Variants in DAB2IP observed in about 807,000 individuals in gnomAD.
The protein encoded by DAB2IP is disabled homolog 2-interacting protein.
A neutral mutation model predicts 107.2 loss-of-function variants in DAB2IP; 28 were observed. The ratio of observed to expected loss-of-function variants is 0.26; its 90% CI spans 0.19 to 0.36. The LOEUF is 0.36. DAB2IP is among the 10% of genes least tolerant of loss of function. The pLI, the probability that DAB2IP is intolerant of heterozygous loss-of-function variation, is 1.00. For missense variants in DAB2IP, 1,400 were observed against 1,644.7 expected, an observed-to-expected ratio of 0.85 and a Z score of 2.57; for synonymous variants, 755 against 706.4, an observed-to-expected ratio of 1.07 and a Z score of -1.09.
intron 2 of DAB2IP, among the ~76,000 whole-genome samples, chr9:121,688,843 G>A (rs889998890): frequency 2.0e-5 from 3 of 152,192 alleles, no homozygotes; most frequent in Non-Finnish European, 4.4e-5. Context: ...GGTGAGCAGG[G>A]AAGAGGGTGA....
chr9:121,777,883 C>A (rs891835016), intron 14 of DAB2IP, among the ~76,000 whole-genome samples: 1 of 152,156 alleles, frequency 6.6e-6, no homozygotes, highest in Non-Finnish European at 1.5e-5. Flanking sequence ...CTTTCTTTAT[C>A]CCTTGAAATA....
At chr9:121,643,886 G>C (rs374376410) in intron 1 of DAB2IP, among the ~76,000 whole-genome samples, 162 of 152,360 alleles carry the variant, frequency 1.1e-3, no homozygotes, top group African/African-American at 3.8e-3. Flanking sequence ...AAATAGCCAA[G>C]GCTAGGCATG....
intron 6 of DAB2IP, among the ~76,000 whole-genome samples, chr9:121,762,233 T>TTGG (rs1833947907): frequency 6.6e-6 from 1 of 152,156 alleles, no homozygotes; most frequent in Admixed American, 6.5e-5. Flanking sequence ...GGACAAGTCA[T>TTGG]TTTCCTGCTG....
At chr9:121,580,631 T>C (rs1165501330) in intron 1 of DAB2IP, among the ~76,000 whole-genome samples, 1 of 151,814 alleles carries the variant, frequency 6.6e-6, no homozygotes, top group East Asian at 1.9e-4. Flanking sequence ...TAAGAACTTT[T>C]TTTTTTTTTC....
At chr9:121,744,705 G>C (rs982750003) in intron 3 of DAB2IP, among the ~76,000 whole-genome samples, 1 of 152,208 alleles carries the variant, frequency 6.6e-6, no homozygotes, top group African/African-American at 2.4e-5. Flanking sequence ...GAGCCGAAGT[G>C]CCAGGTGTCC....
intron 14 of DAB2IP, among the ~76,000 whole-genome samples, chr9:121,781,062 T>C (rs923610166): frequency 2.6e-5 from 4 of 152,348 alleles, no homozygotes; most frequent in East Asian, 3.9e-4. Flanking sequence ...CGTACAACTT[T>C]GTGAAGATGG....
intron 1 of DAB2IP, among the ~76,000 whole-genome samples, chr9:121,665,747 C>G (rs886768433): frequency 5.9e-5 from 9 of 152,316 alleles, no homozygotes; most frequent in Middle Eastern, 3.4e-3. Flanking sequence ...CAAAGCTTAC[C>G]TTATATGGGA....
At chr9:121,777,302 G>C (rs1414570817) in intron 14 of DAB2IP, among the ~76,000 whole-genome samples, 1 of 152,192 alleles carries the variant, frequency 6.6e-6, no homozygotes, top group Non-Finnish European at 1.5e-5. Context: ...GCCCTTCCCA[G>C]ATTCCTCCTA....
At chr9:121,577,064 T>A (rs1830077654) in intron 1 of DAB2IP, among the ~76,000 whole-genome samples, 1 of 152,116 alleles carries the variant, frequency 6.6e-6, no homozygotes, top group Non-Finnish European at 1.5e-5. Flanking sequence ...TCTGAGGACA[T>A]CTCTCGGGCT....
intron 2 of DAB2IP, among the ~76,000 whole-genome samples, chr9:121,682,534 C>T (rs1828650613): frequency 6.6e-6 from 1 of 152,154 alleles, no homozygotes; most frequent in South Asian, 2.1e-4. Context: ...TGCCACCCCT[C>T]CTCATTTTGT....
At chr9:121,587,149 G>T (rs1830327665) in intron 1 of DAB2IP, among the ~76,000 whole-genome samples, 1 of 152,196 alleles carries the variant, frequency 6.6e-6, no homozygotes, top group Admixed American at 6.5e-5. Context: ...GAAGCGAACT[G>T]GTGCTACTGC....
At chr9:121,704,569 T>C (rs562032939) in intron 3 of DAB2IP, among the ~76,000 whole-genome samples, 1 of 152,256 alleles carries the variant, frequency 6.6e-6, no homozygotes, top group East Asian at 1.9e-4. Context: ...AGAGGTCCCA[T>C]GTAGGTGGAT....
At chr9:121,734,159 C>T (rs1016361988) in intron 3 of DAB2IP, among the ~76,000 whole-genome samples, 11 of 140,672 alleles carry the variant, frequency 7.8e-5, no homozygotes, top group Non-Finnish European at 1.3e-4. Context: ...GGGTGGATCA[C>T]GAGGTCAGGA....
rs778794966 is a variant in DAB2IP at position 121,678,796 on chromosome 9, G to A, written c.228+15G>A. 34 of 1,551,200 alleles carry A rather than the reference G, an allele frequency of 2.2e-5. No individual in the cohort carries two copies. Among genetic ancestry groups the A allele is most frequent in the Middle Eastern group, 1.7e-4 (1 of 5,880 alleles). Reference sequence around the variant, plus strand: ...TCCGGGTCACGGTAACTATCTCTGCGTCACCAACACCGCCACTGCCACCAC... The same window carrying A: ...TCCGGGTCACGGTAACTATCTCTGCATCACCAACACCGCCACTGCCACCAC... On this transcript the variant is annotated intron_variant, in intron 2 of 15. Coordinates refer to ENST00000408936, the Ensembl canonical transcript of DAB2IP.
rs756306514 is a variant in DAB2IP, at chr9:121,770,534, G to C, written c.1900-12G>C. 1 of 1,610,646 alleles carries C rather than the reference G, an allele frequency of 6.2e-7. No homozygotes were observed. Among genetic ancestry groups the C allele is most frequent in the African/African-American group, 1.3e-5 (1 of 74,972 alleles). ...CAGGAGGTCACACCTGCCTCTTGCT[G>C]TGCCTTTACAGAGCATAGTATCCAA... is the stretch of plus-strand genomic sequence containing the variant. On this transcript the variant is annotated splice_polypyrimidine_tract_variant and intron_variant, in intron 10 of 15. Coordinates refer to ENST00000408936, the Ensembl canonical transcript of DAB2IP.
At chr9:121,780,218 A>G (rs1835510745) in intron 14 of DAB2IP, among the ~76,000 whole-genome samples, 2 of 152,008 alleles carry the variant, frequency 1.3e-5, no homozygotes, top group South Asian at 4.1e-4. Flanking sequence ...AGTAAATACA[A>G]TCTCCTTCCA....
chr9:121,581,338 A>T (rs1243527574), intron 1 of DAB2IP, among the ~76,000 whole-genome samples: 4 of 152,150 alleles, frequency 2.6e-5, no homozygotes, highest in African/African-American at 9.7e-5. Flanking sequence ...TCCGTCCCCC[A>T]ATGTCCTTGG....
intron 1 of DAB2IP, among the ~76,000 whole-genome samples, chr9:121,630,634 G>A (rs960968424): frequency 1.3e-5 from 2 of 150,520 alleles, no homozygotes; most frequent in East Asian, 2.0e-4. Flanking sequence ...TTTGAATGGA[G>A]TCTTGCTCTG....
At chr9:121,759,574 C>T (rs922519523) in intron 5 of DAB2IP, among the ~76,000 whole-genome samples, 10 of 152,234 alleles carry the variant, frequency 6.6e-5, no homozygotes, top group African/African-American at 1.2e-4. Flanking sequence ...ACGTGTCAGG[C>T]GTTGTGCTGG....
Sources: allele counts gnomAD v4.1 joint callset (sites outside exome capture counted in the v4.1 genomes callset), GRCh38; gene constraint gnomAD v4.1.1; transcripts MANE v1.5; gene names NCBI Gene and HGNC (gene_info 2026-07-23, HGNC 2026-07-21).